The following ARHGAP15 variants were observed in gnomAD, a reference collection of about 807,000 sequenced individuals.
ARHGAP15 encodes rho GTPase-activating protein 15.
Under a neutral mutation model 63.7 loss-of-function variants are expected in ARHGAP15, and 51 were observed. The observed-to-expected ratio is 0.80, with a 90% CI of 0.64 to 1.01. ARHGAP15 has a LOEUF of 1.01. ARHGAP15 is among the 50% of genes least tolerant of loss of function. The pLI, the probability that ARHGAP15 is intolerant of heterozygous loss-of-function variation, is 0.00. For missense variants in ARHGAP15, 560 were observed against 564.6 expected (o/e 0.99, Z 0.08); for synonymous variants, 191 against 193.8 (o/e 0.99, Z 0.12).
chr2:143,204,087 A>G (rs976668217), intron 3 of ARHGAP15, among the ~76,000 whole-genome samples: 1 of 152,104 alleles, frequency 6.6e-6, no homozygotes, highest in Non-Finnish European at 1.5e-5. Context: ...ACATAAATGA[A>G]CACCAAAGAA....
intron 2 of ARHGAP15, among the ~76,000 whole-genome samples, chr2:143,173,922 T>A (rs968374562): frequency 3.9e-5 from 6 of 152,104 alleles, no homozygotes; most frequent in African/African-American, 1.4e-4. Context: ...GCAAAATTAA[T>A]CGCTTTTCAA....
At chr2:143,322,864 C>A (rs1684086509) in intron 6 of ARHGAP15, among the ~76,000 whole-genome samples, 2 of 152,202 alleles carry the variant, frequency 1.3e-5, no homozygotes, top group Admixed American at 1.3e-4. Flanking sequence ...TGTAAGTAAG[C>A]AACACTATTC....
At chr2:143,393,483 C>T (rs929075236) in intron 6 of ARHGAP15, among the ~76,000 whole-genome samples, 2 of 151,896 alleles carry the variant, frequency 1.3e-5, no homozygotes, top group Non-Finnish European at 2.9e-5. Context: ...CCTGTAATCC[C>T]ACCACTTTGG....
chr2:143,494,844 A>G (rs1485108784), intron 9 of ARHGAP15, among the ~76,000 whole-genome samples: 1 of 152,218 alleles, frequency 6.6e-6, no homozygotes, highest in African/African-American at 2.4e-5. Flanking sequence ...CAAAGGATAC[A>G]GAATGCTTTA....
rs1367439178 is a variant in ARHGAP15 at position 143,526,158 on chromosome 2, TTATC to T, written c.925+6798_925+6801del. 7.3e-5 allele frequency among the ~76,000 whole-genome samples: 11 copies of T among 151,620 alleles called. No individual in the cohort carries two copies. In the South Asian group the frequency reaches 1.7e-3, roughly 23 times the overall value. On this transcript the variant is annotated intron_variant, in intron 10 of 13. Transcript: ENST00000295095. ...ATTTATTAGTGACATTTAACAGAGT[TTATC>T]TATGTCTAGCAATGCATGACAGTCT...
At chr2:143,347,225 C>T (rs1685339474) in intron 6 of ARHGAP15, among the ~76,000 whole-genome samples, 1 of 152,168 alleles carries the variant, frequency 6.6e-6, no homozygotes, top group African/African-American at 2.4e-5. Flanking sequence ...GCACTCCCAG[C>T]ATTGCCTTGT....
chr2:143,400,564 C>T (rs1687948191), intron 6 of ARHGAP15, among the ~76,000 whole-genome samples: 1 of 151,908 alleles, frequency 6.6e-6, no homozygotes, highest in Non-Finnish European at 1.5e-5. Flanking sequence ...CATATCCATT[C>T]ACTTCAAGGT....
chr2:143,480,294 C>T (rs1328317512), intron 8 of ARHGAP15, among the ~76,000 whole-genome samples: 1 of 152,126 alleles, frequency 6.6e-6, no homozygotes, highest in Non-Finnish European at 1.5e-5. Flanking sequence ...GCCAGCTGTT[C>T]ACTGATATCA....
chr2:143,646,905 C>A (rs2105288404), intron 12 of ARHGAP15, among the ~76,000 whole-genome samples: 1 of 152,006 alleles, frequency 6.6e-6, no homozygotes, highest in South Asian at 2.1e-4. Flanking sequence ...CCGAGAGTAG[C>A]AATTGGGTTA....
chr2:143,407,987 G>GTGTATATATATA (rs1357709703), intron 6 of ARHGAP15, among the ~76,000 whole-genome samples: 17 of 77,428 alleles, frequency 2.2e-4, no homozygotes, highest in Admixed American at 3.4e-4. Context: ...TTCTGTGTGT[G>GTGTATATATATA]TATATATATA....
chr2:143,557,341 G>T (rs1054614668), intron 11 of ARHGAP15, among the ~76,000 whole-genome samples: 2 of 152,116 alleles, frequency 1.3e-5, no homozygotes, highest in Non-Finnish European at 2.9e-5. Context: ...GCCATGAAAA[G>T]ACTTAGAGTA....
At chr2:143,383,992 A>T (rs964080192) in intron 6 of ARHGAP15, among the ~76,000 whole-genome samples, 5 of 152,080 alleles carry the variant, frequency 3.3e-5, no homozygotes, top group Non-Finnish European at 5.9e-5. Flanking sequence ...TTCTGGGGCC[A>T]CCCTGGAAAG....
chr2:143,438,343 T>C (rs1689708854), intron 8 of ARHGAP15, among the ~76,000 whole-genome samples: 1 of 152,134 alleles, frequency 6.6e-6, no homozygotes, highest in African/African-American at 2.4e-5. Flanking sequence ...TTAAGAAATA[T>C]ATGTATATAC....
intron 6 of ARHGAP15, among the ~76,000 whole-genome samples, chr2:143,383,260 G>A (rs1432005990): frequency 1.3e-5 from 2 of 152,200 alleles, no homozygotes; most frequent in South Asian, 4.1e-4. Context: ...AACAAATAAT[G>A]TATAATTGTC....
At chr2:143,525,970 A>C (rs964990478) in intron 10 of ARHGAP15, among the ~76,000 whole-genome samples, 2 of 152,132 alleles carry the variant, frequency 1.3e-5, no homozygotes, top group Non-Finnish European at 2.9e-5. Flanking sequence ...AAACTAGTGA[A>C]AACATTGCCA....
chr2:143,262,962 T>G (rs561656907), intron 6 of ARHGAP15, among the ~76,000 whole-genome samples: 22 of 152,240 alleles, frequency 1.4e-4, no homozygotes, highest in African/African-American at 5.3e-4. Context: ...TACCTTTTGG[T>G]CCTTAGACCC....
At chr2:143,414,780 A>G (rs1688606667) in intron 6 of ARHGAP15, among the ~76,000 whole-genome samples, 1 of 152,166 alleles carries the variant, frequency 6.6e-6, no homozygotes, top group African/African-American at 2.4e-5. Flanking sequence ...GTAAAATACA[A>G]AAGTTAGCCG....
chr2:143,149,086 G>C (rs1056315495), intron 1 of ARHGAP15, among the ~76,000 whole-genome samples: 1 of 151,868 alleles, frequency 6.6e-6, no homozygotes, highest in Non-Finnish European at 1.5e-5. Context: ...ATCTTTCCAG[G>C]GGATAGAAAT....
At chr2:143,224,054 A>G (rs897618968) in intron 4 of ARHGAP15, among the ~76,000 whole-genome samples, 4 of 152,278 alleles carry the variant, frequency 2.6e-5, no homozygotes, top group African/African-American at 9.6e-5. Flanking sequence ...TTTAATGGAG[A>G]CATGTGACCA....
Sources: gnomAD v4.1 joint callset for allele counts (sites outside exome capture counted in the v4.1 genomes callset) on GRCh38, gnomAD v4.1.1 for gene constraint, MANE v1.5 for transcripts, NCBI Gene and HGNC (gene_info 2026-07-23, HGNC 2026-07-21) for gene names.